The following PCOLCE2 variants were observed in gnomAD, a reference collection of about 807,000 sequenced individuals.
The protein encoded by PCOLCE2 is procollagen C-endopeptidase enhancer 2, also known as procollagen C-proteinase enhancer 2.
A neutral mutation model predicts 47.0 loss-of-function variants in PCOLCE2; 42 were observed. That is an observed-to-expected ratio of 0.89 (90% CI 0.70 to 1.16). The LOEUF is 1.16. Ranked by LOEUF, PCOLCE2 falls within the 50% of genes most tolerant of loss-of-function variation. The pLI is 0.00. For synonymous variants in PCOLCE2, 169 were observed against 191.7 expected (o/e 0.88, Z 0.98); for missense variants, 500 against 526.1 (o/e 0.95, Z 0.49).
At chr3:142,851,330 C>T (rs1047662002) in intron 2 of PCOLCE2, among the ~76,000 whole-genome samples, 1 of 152,152 alleles carries the variant, frequency 6.6e-6, no homozygotes, top group Non-Finnish European at 1.5e-5. Flanking sequence ...TGGTCTTCTT[C>T]CCCAGCCACA....
intron 3 of PCOLCE2, among the ~76,000 whole-genome samples, chr3:142,845,714 C>T (rs189767716): frequency 4.7e-4 from 71 of 152,320 alleles, no homozygotes; most frequent in Admixed American, 1.7e-3. Context: ...TGGCTCACAC[C>T]TGTAATCCTA....
chr3:142,839,035 T>C, intron 4 of PCOLCE2, 129 bp from the exon 5 acceptor site: 1 of 616,616 alleles, frequency 1.6e-6, no homozygotes, highest in Admixed American at 3.2e-5. Flanking sequence ...ATGCATTAAG[T>C]GCTTTTTGTT....
At chr3:142,825,374 T>C (rs1330323480) in intron 6 of PCOLCE2, among the ~76,000 whole-genome samples, 1 of 152,132 alleles carries the variant, frequency 6.6e-6, no homozygotes, top group Non-Finnish European at 1.5e-5. Flanking sequence ...ATCTGTCTCC[T>C]TGCCCTTCAC....
At position 142,830,215 on chromosome 3, in the gene PCOLCE2, C is replaced by T. The variant is rs111730791; in HGVS notation, c.711-369G>A. Among the ~76,000 whole-genome samples the T allele has an allele frequency of 1.0e-3, 152 of 152,288 alleles. 1 individual carries two copies. The highest frequency in any genetic ancestry group is 3.6e-3 in the African/African-American group (149 of 41,558). On this transcript the variant is annotated intron_variant, in intron 5 of 8. Transcript: ENST00000295992. ...AGATAACTCTAGAGACTGTGGCAGACGTTGGGACATGGCTGGTTTTCAAAA... is the reference window on the plus strand; with the variant it reads ...AGATAACTCTAGAGACTGTGGCAGATGTTGGGACATGGCTGGTTTTCAAAA...
At chr3:142,827,456 G>A (rs1937095664) in intron 6 of PCOLCE2, 4 of 1,550,886 alleles carry the variant, frequency 2.6e-6, no homozygotes, top group Non-Finnish European at 3.6e-6. Flanking sequence ...AGGGTTGTGG[G>A]AGATAGCAGT....
chr3:142,823,485 C>A, intron 7 of PCOLCE2, 47 bp downstream of exon 7: 1 of 1,093,854 alleles, frequency 9.1e-7, no homozygotes, highest in Non-Finnish European at 1.4e-6. Flanking sequence ...AAGCATGCAG[C>A]CTCAAGTTTC....
At chr3:142,832,894 C>T (rs1578031895) in intron 5 of PCOLCE2, among the ~76,000 whole-genome samples, 1 of 152,180 alleles carries the variant, frequency 6.6e-6, no homozygotes, top group South Asian at 2.1e-4. Flanking sequence ...CTAACCCAGA[C>T]GTATTCTGAC....
chr3:142,883,741 G>T (rs762998032), intron 2 of PCOLCE2, among the ~76,000 whole-genome samples: 2 of 151,718 alleles, frequency 1.3e-5, no homozygotes, highest in African/African-American at 2.4e-5. Flanking sequence ...TCATCAATAT[G>T]TATCTCTAAT....
At chr3:142,821,799 T>TG (rs1207855768) in intron 7 of PCOLCE2, among the ~76,000 whole-genome samples, 3 of 152,062 alleles carry the variant, frequency 2.0e-5, no homozygotes, top group Non-Finnish European at 4.4e-5. Context: ...AGTCTCTCTT[T>TG]GAAGCCACAG....
At chr3:142,849,010 G>A (rs1360742806) in intron 2 of PCOLCE2, among the ~76,000 whole-genome samples, 3 of 152,152 alleles carry the variant, frequency 2.0e-5, no homozygotes, top group Admixed American at 6.5e-5. Context: ...AAGATTAGCC[G>A]GGTGTGGTGG....
At chr3:142,882,887 A>AT (rs1933652784) in intron 2 of PCOLCE2, among the ~76,000 whole-genome samples, 2 of 152,172 alleles carry the variant, frequency 1.3e-5, no homozygotes, top group African/African-American at 4.8e-5. Context: ...TTCAGATGTG[A>AT]TATTTGGTTT....
chr3:142,841,496 T>A (rs547937407), intron 4 of PCOLCE2, among the ~76,000 whole-genome samples: 1 of 152,354 alleles, frequency 6.6e-6, no homozygotes, highest in Non-Finnish European at 1.5e-5. Context: ...GAGAAAATGA[T>A]CAATATAATT....
intron 5 of PCOLCE2, among the ~76,000 whole-genome samples, chr3:142,833,559 C>CAATT (rs1937173808): frequency 6.6e-6 from 1 of 151,304 alleles, no homozygotes; most frequent in African/African-American, 2.4e-5. Context: ...ATAGTGTGCA[C>CAATT]TATAACACAA....
chr3:142,839,015 T>C, intron 4 of PCOLCE2, 109 bp from the exon 5 acceptor site: 1 of 820,638 alleles, frequency 1.2e-6, no homozygotes, highest in South Asian at 2.1e-5. Flanking sequence ...TTTTCCTTTG[T>C]AAAAAAAGTA....
At chr3:142,818,495 T>G (rs776733759) in intron 8 of PCOLCE2, 30 bp from the exon 9 acceptor site, 2 of 1,556,210 alleles carry the variant, frequency 1.3e-6, no homozygotes, top group African/African-American at 2.7e-5. Flanking sequence ...AAATTAATCT[T>G]TTTCTCTATG....
chr3:142,884,488 C>T (rs1397443993), intron 2 of PCOLCE2, among the ~76,000 whole-genome samples: 2 of 152,210 alleles, frequency 1.3e-5, no homozygotes, highest in Admixed American at 1.3e-4. Flanking sequence ...AGAATCAACT[C>T]CTACAGTAAA....
At chr3:142,866,408 C>T (rs1369808568) in intron 2 of PCOLCE2, among the ~76,000 whole-genome samples, 1 of 152,192 alleles carries the variant, frequency 6.6e-6, no homozygotes, top group African/African-American at 2.4e-5. Flanking sequence ...ATTTACACCA[C>T]CAGTTTTCCT....
intron 6 of PCOLCE2, chr3:142,827,650 C>A: frequency 6.9e-7 from 1 of 1,458,542 alleles, no homozygotes; most frequent in Non-Finnish European, 9.6e-7. Flanking sequence ...TGAAAAGCTC[C>A]GTCCGCTTCT....
At chr3:142,884,851 G>T (rs1933690131) in intron 2 of PCOLCE2, among the ~76,000 whole-genome samples, 1 of 152,162 alleles carries the variant, frequency 6.6e-6, no homozygotes, top group Non-Finnish European at 1.5e-5. Context: ...AAATTGTGAT[G>T]ACAGAAATAC....
Sources: allele counts gnomAD v4.1 joint callset (sites outside exome capture counted in the v4.1 genomes callset), GRCh38; gene constraint gnomAD v4.1.1; transcripts MANE v1.5; gene names NCBI Gene and HGNC (gene_info 2026-07-23, HGNC 2026-07-21).